PHLDB3: variants seen among roughly 807,000 people sequenced by gnomAD.
PHLDB3 encodes the protein pleckstrin homology-like domain family B member 3.
In PHLDB3, 86 loss-of-function variants were observed where a neutral mutation model predicts 85.7. That is an observed-to-expected ratio of 1.00 (90% CI 0.84 to 1.20). The LOEUF (loss-of-function observed/expected upper bound fraction) is 1.20. Among genes scored for constraint, PHLDB3 ranks in the 50% most tolerant of loss-of-function variants. The pLI, the probability that PHLDB3 is intolerant of heterozygous loss-of-function variation, is 0.00. For synonymous variants in PHLDB3, 376 were observed against 349.8 expected, an observed-to-expected ratio of 1.07 and a Z score of -0.83; for missense variants, 995 against 873.0, an observed-to-expected ratio of 1.14 and a Z score of -1.76.
chr19:43,502,914 T>G (rs1254849976), intron 2 of PHLDB3, among the ~76,000 whole-genome samples: 1 of 152,160 alleles, frequency 6.6e-6, no homozygotes, highest in Non-Finnish European at 1.5e-5. Context: ...TCCTATTCTC[T>G]TGGCGTCACT....
chr19:43,500,577 C>T (rs1396758541), intron 4 of PHLDB3, among the ~76,000 whole-genome samples: 1 of 152,164 alleles, frequency 6.6e-6, no homozygotes, highest in Non-Finnish European at 1.5e-5. Flanking sequence ...TGTTAACTGG[C>T]ATTTTGAGAC....
At chr19:43,501,446 A>T (rs954157045) in intron 4 of PHLDB3, 30 of 457,692 alleles carry the variant, frequency 6.6e-5, no homozygotes, top group Admixed American at 8.4e-5. Context: ...CGGCCTCCCA[A>T]AGTGCTATGA....
rs1292514423 is a variant in PHLDB3 at position 43,486,618 on chromosome 19, G to C, written c.1419C>G (p.Leu473=). The C allele has an allele frequency of 1.9e-6, 3 of 1,613,042 alleles. No homozygotes were observed. Among genetic ancestry groups the C allele is most frequent in the Non-Finnish European group, 2.5e-6 (3 of 1,179,670 alleles). ...TGGCCTGGGCTCTCACCCGGGCCTT[G>C]AGCAGCCGCTCCCTCTCCGCCATGG... ...QQAMAERERL[L]KAREGTRRGT... Residue 473 remains leucine, a synonymous_variant, in exon 12 of 16, where the codon CTC becomes CTG. Coordinates refer to ENST00000292140, the MANE Select transcript of PHLDB3 (RefSeq NM_198850.4).
intron 13 of PHLDB3, chr19:43,485,866 T>C (rs761892340): frequency 6.9e-5 from 56 of 807,908 alleles, no homozygotes; most frequent in Non-Finnish European, 8.2e-5. Context: ...AAATTTTAAA[T>C]GATTTTTAAA....
rs1201347189 is a variant in PHLDB3, at chr19:43,475,537, T to G, written c.1796A>C (p.Asn599Thr). 1 of 1,613,230 alleles carries G rather than the reference T, an allele frequency of 6.2e-7. No homozygotes were observed. The highest frequency in any genetic ancestry group is 8.5e-7 in the Non-Finnish European group (1 of 1,179,596). Residue 599 changes from asparagine (N) to threonine (T), a missense_variant, in exon 16 of 16, where the codon AAC becomes ACC. Coordinates refer to ENST00000292140, the MANE Select transcript of PHLDB3 (RefSeq NM_198850.4). ...TTTGACGCAGAAGGTCAGGCGGGGG[T>G]TGGGGCTCTGGAATAAGCAGAAAGT... Reference protein sequence around the residue: ...DHLRCAFKSPNPRLTFCVKTY... With the variant: ...DHLRCAFKSPTPRLTFCVKTY...
chr19:43,500,909 A>ACCTTCCCCCC (rs1971573935), intron 4 of PHLDB3, among the ~76,000 whole-genome samples: 1 of 17,152 alleles, frequency 5.8e-5, no homozygotes, highest in Non-Finnish European at 1.3e-4. Flanking sequence ...CGCCCCCCGT[A>ACCTTCCCCCC]CCCCCCCCCC....
At position 43,493,280 on chromosome 19, in the gene PHLDB3, G is replaced by GAATAAATAAATAAATAAATA. The variant is rs57954351; in HGVS notation, c.1149+1402_1149+1421dup. Reference sequence around the variant, plus strand: ...GCAATAAGAGTGAAACTCTGTCTCAGAATAAATAAATAAATAAATAAATAA... The same window carrying GAATAAATAAATAAATAAATA: ...GCAATAAGAGTGAAACTCTGTCTCAGAATAAATAAATAAATAAATAAATAAATAAATAAATAAATAAATAA... On this transcript the variant is annotated intron_variant, in intron 9 of 15. Coordinates refer to ENST00000292140, the MANE Select transcript of PHLDB3 (RefSeq NM_198850.4). 1.6e-3 allele frequency among the ~76,000 whole-genome samples: 212 copies of GAATAAATAAATAAATAAATA among 133,794 alleles called. 1 individual carries two copies. Among genetic ancestry groups the GAATAAATAAATAAATAAATA allele is most frequent in the East Asian group, 3.9e-3 (18 of 4,586 alleles). 87.8% of individuals were successfully genotyped at this position (133,794 alleles called of 152,430 possible).
chr19:43,498,744 C>A (rs1206005890), intron 4 of PHLDB3, among the ~76,000 whole-genome samples: 1 of 152,102 alleles, frequency 6.6e-6, no homozygotes, highest in Non-Finnish European at 1.5e-5. Flanking sequence ...GACAGTGAGA[C>A]CCTGTCTCAA....
In PHLDB3 at chr19:43,497,189, G is replaced by C. The variant is rs138779923; in HGVS notation, c.754C>G (p.Arg252Gly). Residue 252 changes from arginine to glycine, a missense_variant, in exon 6 of 16, where the codon CGG becomes GGG. Coordinates refer to ENST00000292140, the MANE Select transcript of PHLDB3 (RefSeq NM_198850.4). ...ERESRQEEED[R>G]DSPGPQVPDP... ...GGCACCTGGGGCCCAGGGCTGTCCC[G>C]ATCCTCCTCCTCCTGCCGGCTCTCC... 1.3e-6 allele frequency: 2 copies of C among 1,564,532 alleles called. No individual in the cohort carries two copies. Among genetic ancestry groups the C allele is most frequent in the Non-Finnish European group, 1.7e-6 (2 of 1,157,556 alleles).
At chr19:43,479,723 C>T (rs1371267174) in intron 13 of PHLDB3, 130 bp from the exon 14 acceptor site, 3 of 642,790 alleles carry the variant, frequency 4.7e-6, no homozygotes, top group Admixed American at 2.6e-5. Flanking sequence ...GTAATATTAA[C>T]TAGGACCATC....
chr19:43,479,077 A>G (rs974274073), intron 14 of PHLDB3, among the ~76,000 whole-genome samples: 13 of 152,136 alleles, frequency 8.5e-5, no homozygotes, highest in Admixed American at 1.3e-4. Context: ...TCTTAGGAAC[A>G]TGGGCCCTGG....
At chr19:43,482,634 T>G (rs888058238) in intron 13 of PHLDB3, among the ~76,000 whole-genome samples, 1 of 152,126 alleles carries the variant, frequency 6.6e-6, no homozygotes, top group Non-Finnish European at 1.5e-5. Flanking sequence ...TGCTTCCCAG[T>G]TCAAGCGATT....
rs143080180 is a variant in PHLDB3, at chr19:43,494,230, G to T, written c.1149+472C>A. 5.3e-3 allele frequency among the ~76,000 whole-genome samples: 806 copies of T among 152,086 alleles called. 7 individuals carry two copies. The highest frequency in any genetic ancestry group is 7.2e-3 in the Non-Finnish European group (492 of 67,996). On this transcript the variant is annotated intron_variant, in intron 9 of 15. Coordinates refer to ENST00000292140, the MANE Select transcript of PHLDB3 (RefSeq NM_198850.4). ...TCACCATATTGGCCAGGCTGGTCTC[G>T]AACTCCTGACCTCAGGTCATCCGCT... is the stretch of plus-strand genomic sequence containing the variant.
intron 4 of PHLDB3, 63 bp downstream of exon 4, chr19:43,501,671 G>A: frequency 6.4e-7 from 1 of 1,550,894 alleles, no homozygotes; most frequent in Non-Finnish European, 8.7e-7. Context: ...GTGGCTAGGA[G>A]CACACCAACA....
In PHLDB3 at chr19:43,504,013, C is replaced by G. The variant is rs753155779; in HGVS notation, c.106G>C (p.Glu36Gln). ...GGTTCCGCCAGGACTTCGGATGCCTCCTGTTCCCGGGACTCCTCGGGATGG... is the reference window on the plus strand; with the variant it reads ...GGTTCCGCCAGGACTTCGGATGCCTGCTGTTCCCGGGACTCCTCGGGATGG... ...QGHPEESREQ[E>Q]ASEVLAEPSS... The change falls in exon 2 of 16, where the codon GAG becomes CAG. Residue 36 changes from glutamate to glutamine, a missense_variant. Physicochemically the swap from Glu to Gln is conservative, Grantham distance 29. Transcript: ENST00000292140. 2 of 1,613,950 alleles carry G rather than the reference C, an allele frequency of 1.2e-6. No homozygotes were observed. Among genetic ancestry groups the G allele is most frequent in the Admixed American group, 1.7e-5 (1 of 60,032 alleles).
At position 43,504,696 on chromosome 19, in the gene PHLDB3, G is replaced by C. The variant is rs2599449; in HGVS notation, c.-122C>G. On this transcript the variant is annotated 5_prime_UTR_variant, in exon 1 of 16. Transcript: ENST00000292140. Reference sequence around the variant, plus strand: ...CTCCCCACAGCCTCGGCCCCCTCACGAGCTCAGGCTTCGGCGCGCTCCGCT... The same window carrying C: ...CTCCCCACAGCCTCGGCCCCCTCACCAGCTCAGGCTTCGGCGCGCTCCGCT... 0.51 allele frequency: 77,382 copies of C among 152,600 alleles called. 19,721 individuals carry two copies. The highest frequency in any genetic ancestry group is 0.59 in the East Asian group (3,035 of 5,152). 9.5% of individuals were successfully genotyped at this position (152,600 alleles called of 1,614,324 possible).
chr19:43,485,159 A>C (rs192343790), intron 13 of PHLDB3, among the ~76,000 whole-genome samples: 1 of 152,138 alleles, frequency 6.6e-6, no homozygotes, highest in East Asian at 1.9e-4. Context: ...CTGGGGGTCT[A>C]TTAATCTACT....
In PHLDB3 at chr19:43,486,287, G is replaced by A; in HGVS notation, c.1464C>T (p.Gly488=). 1 of 1,610,656 alleles carries A rather than the reference G, an allele frequency of 6.2e-7. No homozygotes were observed. The highest frequency in any genetic ancestry group is 8.5e-7 in the Non-Finnish European group (1 of 1,178,840). The change falls in exon 13 of 16, where the codon GGC becomes GGT. Residue 488 remains glycine (G), a synonymous_variant. Transcript: ENST00000292140. ...GTRRGTEGSS[G]PAVPAITAPP... The stretch of plus-strand genomic sequence containing the variant: ...TGACCGTGATGGCAGGAACAGCAGG[G>A]CCTGAGGAACCTTCCGTGCCCCTTC...
chr19:43,479,815 C>T (rs563417921), intron 13 of PHLDB3, among the ~76,000 whole-genome samples: 1 of 152,218 alleles, frequency 6.6e-6, no homozygotes, highest in East Asian at 1.9e-4. Flanking sequence ...CACTTCATGG[C>T]AACTGTGAGC....
Sources: gnomAD v4.1 joint callset for allele counts (sites outside exome capture counted in the v4.1 genomes callset) on GRCh38, gnomAD v4.1.1 for gene constraint, MANE v1.5 for transcripts, NCBI Gene and HGNC (gene_info 2026-07-23, HGNC 2026-07-21) for gene names.